CLTC: variants seen among roughly 807,000 people sequenced by gnomAD.
CLTC encodes clathrin heavy chain.
In CLTC, 16 loss-of-function variants were observed where a neutral mutation model predicts 195.8. That is an observed-to-expected ratio of 0.08 (90% CI 0.06 to 0.12). The LOEUF is 0.12. CLTC is among the 10% of genes least tolerant of loss of function. CLTC has a pLI of 1.00. For synonymous variants in CLTC, 667 were observed against 689.4 expected, an observed-to-expected ratio of 0.97 and a Z score of 0.51; for missense variants, 796 against 2,027.0, an observed-to-expected ratio of 0.39 and a Z score of 11.66.
chr17:59,630,394 A>G (rs2031677824), intron 1 of CLTC, among the ~76,000 whole-genome samples: 1 of 152,202 alleles, frequency 6.6e-6, no homozygotes, highest in African/African-American at 2.4e-5. Flanking sequence ...TTATAATGAA[A>G]AGGGATCAAA....
chr17:59,626,402 C>T (rs1296355762), intron 1 of CLTC, among the ~76,000 whole-genome samples: 3 of 151,968 alleles, frequency 2.0e-5, no homozygotes, highest in Non-Finnish European at 4.4e-5. Flanking sequence ...TCATTGTGTG[C>T]CACTGGTACA....
chr17:59,641,326 T>TCTTGTCTAGACTGAGGCTGACTGA (rs997150236), intron 1 of CLTC, among the ~76,000 whole-genome samples: 2 of 151,944 alleles, frequency 1.3e-5, no homozygotes, highest in Non-Finnish European at 2.9e-5. Context: ...ACTTTTCTGT[T>TCTTGTCTAGACTGAGGCTGACTGA]CTTGTCTAGA....
rs1567943711 is a variant in CLTC, at chr17:59,648,204, GGGTCTTCAA to G, written c.520-35_520-27del. On this transcript the variant is annotated intron_variant, in intron 3 of 31. Transcript: ENST00000269122. The surrounding 1 kb of genome is among the most constrained non-coding windows in gnomAD (Gnocchi z 4.5). ...ATGAATCTGAGAGTTTTTGATTTAT[GGGTCTTCAA>G]ACGTTATTCTCTTTGATCCTTTATA... is the stretch of plus-strand genomic sequence containing the variant. 7 of 1,556,916 alleles carry G rather than the reference GGGTCTTCAA, an allele frequency of 4.5e-6. No homozygotes were observed. The highest frequency in any genetic ancestry group is 6.1e-6 in the Non-Finnish European group (7 of 1,148,098).
At position 59,682,197 on chromosome 17, in the gene CLTC, A is replaced by G. The variant is rs2033094413; in HGVS notation, c.3443-74A>G. Reference sequence around the variant, plus strand: ...TTTCCTTGAAAAGGAAATGAATGCAATTTTCATTTACTTGGGTGAAAGATA... The same window carrying G: ...TTTCCTTGAAAAGGAAATGAATGCAGTTTTCATTTACTTGGGTGAAAGATA... On this transcript the variant is annotated intron_variant, in intron 21 of 31. Coordinates refer to ENST00000269122, the MANE Select transcript of CLTC (RefSeq NM_004859.4). The surrounding 1 kb of genome is among the most constrained non-coding windows in gnomAD (Gnocchi z 6.8). The G allele has an allele frequency of 6.4e-6, 9 of 1,404,924 alleles. No homozygotes were observed. The highest frequency in any genetic ancestry group is 8.9e-6 in the Non-Finnish European group (9 of 1,016,564). The allele number at this position is 1,404,924 out of a possible 1,614,324, so 87.0% of individuals were successfully genotyped here. A position where few individuals can be genotyped will look rare whatever the true frequency, so the allele number is the denominator to read the frequency against.
intron 1 of CLTC, among the ~76,000 whole-genome samples, chr17:59,632,995 C>T (rs1204270546): frequency 6.6e-6 from 1 of 152,072 alleles, no homozygotes; most frequent in African/African-American, 2.4e-5. Context: ...AATGGATGCT[C>T]AATATGTATT....
intron 15 of CLTC, among the ~76,000 whole-genome samples, chr17:59,674,164 A>G (rs1322920530): frequency 6.6e-6 from 1 of 152,152 alleles, no homozygotes; most frequent in Admixed American, 6.5e-5. Flanking sequence ...AAAAACATGC[A>G]TGCCAAGTGT....
chr17:59,646,307 A>G (rs2032192695), intron 2 of CLTC, among the ~76,000 whole-genome samples: 1 of 152,158 alleles, frequency 6.6e-6, no homozygotes, highest in Non-Finnish European at 1.5e-5. Flanking sequence ...GCTTCTTTTT[A>G]TAAACAGGAC....
At chr17:59,644,225 T>A (rs750720886) in intron 1 of CLTC, 51 bp from the exon 2 acceptor site, 2 of 1,468,824 alleles carry the variant, frequency 1.4e-6, no homozygotes, top group Non-Finnish European at 1.9e-6. Flanking sequence ...TATATGAATG[T>A]CAAGTCTTTG....
At chr17:59,669,823 TGTAGAACACA>T (rs2032808225) in intron 14 of CLTC, among the ~76,000 whole-genome samples, 1 of 152,166 alleles carries the variant, frequency 6.6e-6, no homozygotes, top group South Asian at 2.1e-4. Flanking sequence ...AAAATGTTTT[TGTAGAACACA>T]GTATAGAAAG....
chr17:59,649,619 GTCTC>G (rs1189395334), intron 4 of CLTC, among the ~76,000 whole-genome samples: 2 of 152,176 alleles, frequency 1.3e-5, no homozygotes, highest in African/African-American at 4.8e-5. Context: ...TAGGACATGT[GTCTC>G]TCTCTTTGTA....
At chr17:59,620,664 C>T (rs1477121454) in intron 1 of CLTC, among the ~76,000 whole-genome samples, 1 of 151,650 alleles carries the variant, frequency 6.6e-6, no homozygotes, top group South Asian at 2.1e-4. Context: ...TTTTTCCCTC[C>T]CTCTGCGGCT....
chr17:59,658,335 G>A (rs761982525), intron 6 of CLTC, among the ~76,000 whole-genome samples: 3 of 152,142 alleles, frequency 2.0e-5, no homozygotes, highest in Non-Finnish European at 2.9e-5. Flanking sequence ...ACCACGCCTC[G>A]CCACTTTTTG....
At chr17:59,650,714 G>T (rs2032308691) in intron 4 of CLTC, among the ~76,000 whole-genome samples, 1 of 152,030 alleles carries the variant, frequency 6.6e-6, no homozygotes, top group African/African-American at 2.4e-5. Flanking sequence ...TCTTTACCCA[G>T]TTTCTCCCAA....
intron 6 of CLTC, among the ~76,000 whole-genome samples, chr17:59,657,200 G>A (rs546326617): frequency 1.2e-4 from 19 of 152,074 alleles, no homozygotes; most frequent in Admixed American, 1.2e-3. Context: ...CTAGGGAAAG[G>A]GAGTGCATCC....
chr17:59,691,129 A>G (rs2033287730), intron 31 of CLTC, among the ~76,000 whole-genome samples: 1 of 152,224 alleles, frequency 6.6e-6, no homozygotes, highest in South Asian at 2.1e-4. Context: ...AGAACTGGGT[A>G]GAGTTTCCAT....
At position 59,646,740 on chromosome 17, in the gene CLTC, C is replaced by T. The variant is rs74636247; in HGVS notation, c.251-658C>T. On this transcript the variant is annotated intron_variant, in intron 2 of 31. Transcript: ENST00000269122. ...TGCTTGCTTTCTTAATTGGATGAAG[C>T]TTGCACTTTGTTCTTATCTCCAGTA... Among the ~76,000 whole-genome samples, 9 of 152,290 alleles carry T rather than the reference C, an allele frequency of 5.9e-5. No homozygotes were observed. The East Asian group carries it at 1.7e-3, about 29-fold the overall frequency.
intron 1 of CLTC, among the ~76,000 whole-genome samples, chr17:59,631,093 T>A (rs2031701138): frequency 6.6e-6 from 1 of 152,224 alleles, no homozygotes; most frequent in African/African-American, 2.4e-5. Flanking sequence ...TTCGTCTAAT[T>A]GGGAAAATAA....
chr17:59,654,342 A>AT (rs947104305), intron 5 of CLTC, among the ~76,000 whole-genome samples: 1 of 147,934 alleles, frequency 6.8e-6, no homozygotes, highest in Non-Finnish European at 1.5e-5. Flanking sequence ...CACCTGGGTA[A>AT]TTTTTTTGTA....
At chr17:59,671,940 C>T (rs550507641) in intron 14 of CLTC, among the ~76,000 whole-genome samples, 1 of 152,202 alleles carries the variant, frequency 6.6e-6, no homozygotes, top group African/African-American at 2.4e-5. Flanking sequence ...CACTATGAAA[C>T]GTCTCCTCCC....
Sources: allele counts gnomAD v4.1 joint callset (sites outside exome capture counted in the v4.1 genomes callset), GRCh38; gene constraint gnomAD v4.1.1; non-coding constraint Gnocchi (gnomAD v3.1); transcripts MANE v1.5; gene names NCBI Gene and HGNC (gene_info 2026-07-23, HGNC 2026-07-21).